The following DAB1 variants were observed in gnomAD, a reference collection of about 807,000 sequenced individuals.
DAB1 encodes the protein DAB adaptor protein 1, also known as disabled homolog 1.
DAB1 carries 15 observed loss-of-function variants against 64.6 expected under a neutral mutation model. That is an observed-to-expected ratio of 0.23 (90% CI 0.16 to 0.36). The LOEUF (loss-of-function observed/expected upper bound fraction) is 0.36. Among genes scored for constraint, DAB1 ranks in the 10% least tolerant of loss-of-function variants. The pLI, the probability that DAB1 is intolerant of heterozygous loss-of-function variation, is 1.00. For synonymous variants in DAB1, 235 were observed against 251.9 expected, an observed-to-expected ratio of 0.93 and a Z score of 0.64; for missense variants, 596 against 706.7, an observed-to-expected ratio of 0.84 and a Z score of 1.78.
In DAB1 at chr1:58,349,857, T is replaced by C. The variant is rs201287745; in HGVS notation, n.258-6454A>G. Among the ~76,000 whole-genome samples the C allele has an allele frequency of 5.3e-5, 8 of 152,336 alleles. No homozygotes were observed. The East Asian group carries it at 9.6e-4, about 18-fold the overall frequency. ...CACATTTTCTTTATCCAGTCTATCA[T>C]TGATGGGCATTTAGGTTGGTTCCAA... On this transcript the variant is annotated intron_variant and non_coding_transcript_variant, in intron 3 of 20. Transcript: ENST00000485760.
chr1:58,000,706 G>C (rs1199380994), intron 5 of DAB1, among the ~76,000 whole-genome samples: 1 of 151,756 alleles, frequency 6.6e-6, no homozygotes, highest in Non-Finnish European at 1.5e-5. Flanking sequence ...GAGTAGGTAG[G>C]ATTACAGGCA....
At chr1:57,436,954 G>A (rs531390503) in intron 7 of DAB1, among the ~76,000 whole-genome samples, 58 of 151,176 alleles carry the variant, frequency 3.8e-4, no homozygotes, top group African/African-American at 1.4e-3. Flanking sequence ...TGTGAACCTG[G>A]GAGGCGGAGC....
chr1:58,021,779 A>G (rs1646818604), intron 5 of DAB1, among the ~76,000 whole-genome samples: 1 of 152,184 alleles, frequency 6.6e-6, no homozygotes, highest in Admixed American at 6.5e-5. Context: ...AGGTAAAATG[A>G]AAGTCTGAAG....
At chr1:58,092,235 C>T (rs1444062057) in intron 5 of DAB1, among the ~76,000 whole-genome samples, 1 of 151,522 alleles carries the variant, frequency 6.6e-6, no homozygotes, top group Non-Finnish European at 1.5e-5. Flanking sequence ...ACTTGGAAGG[C>T]TGAGGCAGAG....
intron 2 of DAB1, among the ~76,000 whole-genome samples, chr1:57,190,079 A>C (rs1663986626): frequency 6.6e-6 from 1 of 152,174 alleles, no homozygotes; most frequent in Non-Finnish European, 1.5e-5. Context: ...AGTGGTTCTC[A>C]AACCTGAGTG....
At chr1:58,531,920 G>A (rs747369537) in intron 1 of DAB1, among the ~76,000 whole-genome samples, 1 of 151,962 alleles carries the variant, frequency 6.6e-6, no homozygotes, top group South Asian at 2.1e-4. Flanking sequence ...TGTTGGCCAG[G>A]CTGGTCTTGA....
chr1:57,311,017 G>A (rs1674655067), intron 1 of DAB1, among the ~76,000 whole-genome samples: 1 of 151,906 alleles, frequency 6.6e-6, no homozygotes, highest in South Asian at 2.1e-4. Context: ...ATAGATAGAT[G>A]ATAGACAGAC....
chr1:57,701,786 A>G (rs568845295), intron 6 of DAB1, among the ~76,000 whole-genome samples: 14 of 152,218 alleles, frequency 9.2e-5, no homozygotes, highest in African/African-American at 2.9e-4. Context: ...TCTGCTGTGA[A>G]GAGCCTCTAA....
At chr1:57,917,576 C>T (rs1427222900) in intron 5 of DAB1, among the ~76,000 whole-genome samples, 1 of 151,534 alleles carries the variant, frequency 6.6e-6, no homozygotes, top group Non-Finnish European at 1.5e-5. Flanking sequence ...CTTGTTTTCC[C>T]CATTTTCCCC....
At chr1:58,274,865 C>T (rs931058523) in intron 4 of DAB1, among the ~76,000 whole-genome samples, 1 of 152,058 alleles carries the variant, frequency 6.6e-6, no homozygotes, top group Non-Finnish European at 1.5e-5. Flanking sequence ...TGCTTCGGCT[C>T]GCGCACGGTG....
intron 5 of DAB1, among the ~76,000 whole-genome samples, chr1:58,107,303 CA>C (rs960763989): frequency 0.039 from 2,743 of 70,862 alleles, 80 homozygotes; most frequent in South Asian, 0.16. Flanking sequence ...ACTAAAAATA[CA>C]AAAAAAAAAA....
At chr1:57,436,766 C>T (rs975750767) in intron 7 of DAB1, among the ~76,000 whole-genome samples, 9 of 152,092 alleles carry the variant, frequency 5.9e-5, no homozygotes, top group Admixed American at 1.3e-4. Context: ...CGGTGGCTCA[C>T]GCCTGTAATC....
At chr1:57,439,453 G>A (rs1188791515) in intron 7 of DAB1, among the ~76,000 whole-genome samples, 11 of 76,794 alleles carry the variant, frequency 1.4e-4, no homozygotes, top group Admixed American at 2.6e-4. Context: ...TTTTTGAGAC[G>A]GAGTCTCCTC....
intron 3 of DAB1, among the ~76,000 whole-genome samples, chr1:58,436,358 C>T (rs1351481229): frequency 6.6e-6 from 1 of 152,128 alleles, no homozygotes; most frequent in Non-Finnish European, 1.5e-5. Context: ...AGGAAATATC[C>T]CCTATCCTAC....
At chr1:57,636,863 G>A (rs374499027) in intron 7 of DAB1, among the ~76,000 whole-genome samples, 4 of 152,248 alleles carry the variant, frequency 2.6e-5, no homozygotes, top group South Asian at 4.2e-4. Context: ...GGAGTTCTAA[G>A]TTCAGGGAAG....
At chr1:57,795,323 T>C (rs1650793820) in intron 6 of DAB1, among the ~76,000 whole-genome samples, 1 of 152,146 alleles carries the variant, frequency 6.6e-6, no homozygotes, top group South Asian at 2.1e-4. Context: ...ATTTGAGCAC[T>C]AGAACTCTTT....
chr1:57,551,152 C>A (rs925833007), intron 7 of DAB1, among the ~76,000 whole-genome samples: 1 of 152,186 alleles, frequency 6.6e-6, no homozygotes, highest in Non-Finnish European at 1.5e-5. Flanking sequence ...ATAGCACGTT[C>A]GTCTTGCACG....
At chr1:57,072,134 C>A in intron 5 of DAB1, 149 bp downstream of exon 5, 1 of 815,568 alleles carries the variant, frequency 1.2e-6, no homozygotes, top group Non-Finnish European at 1.9e-6. Flanking sequence ...GGCTGTTTAT[C>A]TTTTCTAGAT....
intron 5 of DAB1, among the ~76,000 whole-genome samples, chr1:57,935,655 A>G (rs1043330694): frequency 1.3e-5 from 2 of 152,184 alleles, no homozygotes; most frequent in Admixed American, 6.5e-5. Context: ...GAGAGTCACA[A>G]AGTGGTTTAA....
Sources: gnomAD v4.1 joint callset for allele counts (sites outside exome capture counted in the v4.1 genomes callset) on GRCh38, gnomAD v4.1.1 for gene constraint, MANE v1.5 for transcripts, NCBI Gene and HGNC (gene_info 2026-07-23, HGNC 2026-07-21) for gene names.